TRPM3: variants seen among roughly 807,000 people sequenced by gnomAD.
TRPM3 encodes the protein long transient receptor potential channel 3.
Under a neutral mutation model 181.2 loss-of-function variants are expected in TRPM3, and 77 were observed. That is an observed-to-expected ratio of 0.42 (90% confidence interval 0.35 to 0.51). The LOEUF (loss-of-function observed/expected upper bound fraction) is 0.51. TRPM3 is among the 20% of genes least tolerant of loss of function. TRPM3 has a pLI of 0.01. For synonymous variants in TRPM3, 745 were observed against 796.4 expected, an observed-to-expected ratio of 0.94 and a Z score of 1.09; for missense variants, 1,759 against 2,196.7, an observed-to-expected ratio of 0.80 and a Z score of 3.98.
intron 1 of TRPM3, among the ~76,000 whole-genome samples, chr9:71,329,663 A>T (rs937859344): frequency 2.6e-5 from 4 of 152,232 alleles, no homozygotes; most frequent in African/African-American, 4.8e-5. Context: ...TGAATCTTAA[A>T]TATCTTGCAT....
intron 25 of TRPM3, among the ~76,000 whole-genome samples, chr9:70,543,925 C>T (rs997034029): frequency 5.3e-5 from 8 of 152,110 alleles, no homozygotes; most frequent in Non-Finnish European, 8.8e-5. Flanking sequence ...GGATGTCAGA[C>T]GATTGACGCA....
chr9:71,334,153 C>A (rs2090403957), intron 1 of TRPM3, among the ~76,000 whole-genome samples: 1 of 151,580 alleles, frequency 6.6e-6, no homozygotes, highest in Non-Finnish European at 1.5e-5. Flanking sequence ...AGCTCTGGTA[C>A]AAGTAGGCAC....
intron 1 of TRPM3, among the ~76,000 whole-genome samples, chr9:71,044,504 TCTA>T (rs921635563): frequency 1.8e-4 from 28 of 152,358 alleles, no homozygotes; most frequent in Non-Finnish European, 3.4e-4. Flanking sequence ...TCTAGTTATT[TCTA>T]CTAAGTTAAT....
At position 70,536,405 on chromosome 9, in the gene TRPM3, C is replaced by T. The variant is rs746389465; in HGVS notation, c.4708G>A (p.Ala1570Thr). 7 of 1,614,120 alleles carry T rather than the reference C, an allele frequency of 4.3e-6. No individual in the cohort carries two copies. Among genetic ancestry groups the T allele is most frequent in the Non-Finnish European group, 5.9e-6 (7 of 1,180,006 alleles). ...GCTCTGTCCGCAATTGCTTGAGGGGCATTGACACACCTTGTGTCAATACAG... is the reference window on the plus strand; with the variant it reads ...GCTCTGTCCGCAATTGCTTGAGGGGTATTGACACACCTTGTGTCAATACAG... Reference protein sequence around the residue: ...TDCIDTRCVNAPQAIADRAAF... With the variant: ...TDCIDTRCVNTPQAIADRAAF... Residue 1570 changes from alanine to threonine, a missense_variant, in exon 26 of 26, where the codon GCC becomes ACC. By Grantham distance (58) the Ala-to-Thr change is moderately conservative. Around this residue, in one of 8 missense-constraint regions of TRPM3, gnomAD observed 612 missense variants for 590.0 expected, o/e 1.04. Coordinates refer to ENST00000677713, the MANE Select transcript of TRPM3 (RefSeq NM_001366145.2).
At chr9:70,862,063 C>CACCTCT (rs879785586) in intron 3 of TRPM3, among the ~76,000 whole-genome samples, 3 of 151,986 alleles carry the variant, frequency 2.0e-5, no homozygotes, top group Non-Finnish European at 4.4e-5. Flanking sequence ...CCCTTGTGGT[C>CACCTCT]TGTAGTATGC....
chr9:70,904,341 GTCT>G (rs2096432169), intron 1 of TRPM3, among the ~76,000 whole-genome samples: 1 of 152,126 alleles, frequency 6.6e-6, no homozygotes, highest in Non-Finnish European at 1.5e-5. Context: ...AGAAAAAAAA[GTCT>G]TCTGTGAAGT....
At chr9:71,429,024 C>T (rs966061648) in intron 1 of TRPM3, among the ~76,000 whole-genome samples, 5 of 150,898 alleles carry the variant, frequency 3.3e-5, no homozygotes, top group African/African-American at 1.2e-4. Context: ...CTCATCTTTG[C>T]ACAATACTGT....
At chr9:70,960,445 T>C (rs933465199) in intron 1 of TRPM3, among the ~76,000 whole-genome samples, 1 of 152,216 alleles carries the variant, frequency 6.6e-6, no homozygotes, top group Non-Finnish European at 1.5e-5. Flanking sequence ...TTTCATCTTC[T>C]TATGATTGGA....
At chr9:70,781,582 A>G (rs1174556003) in intron 7 of TRPM3, among the ~76,000 whole-genome samples, 5 of 152,086 alleles carry the variant, frequency 3.3e-5, no homozygotes, top group Non-Finnish European at 1.5e-5. Context: ...TTACAAAACA[A>G]TATCACTGAA....
At chr9:70,801,347 T>C (rs1474689440) in intron 6 of TRPM3, among the ~76,000 whole-genome samples, 4 of 152,180 alleles carry the variant, frequency 2.6e-5, no homozygotes, top group Admixed American at 2.6e-4. Context: ...GGGATCAAGT[T>C]TCTCGCTCCG....
intron 1 of TRPM3, among the ~76,000 whole-genome samples, chr9:71,272,808 G>A (rs1410296026): frequency 6.6e-6 from 1 of 151,680 alleles, no homozygotes; most frequent in Non-Finnish European, 1.5e-5. Flanking sequence ...TTCTAGTAAG[G>A]CAAATAAGAA....
chr9:71,372,804 T>C (rs1002726493), intron 1 of TRPM3, among the ~76,000 whole-genome samples: 1 of 152,176 alleles, frequency 6.6e-6, no homozygotes, highest in Non-Finnish European at 1.5e-5. Context: ...CCCATTGGCA[T>C]GCTGTCTTCA....
At chr9:70,809,110 C>T (rs1407853557) in intron 6 of TRPM3, among the ~76,000 whole-genome samples, 1 of 151,946 alleles carries the variant, frequency 6.6e-6, no homozygotes, top group Non-Finnish European at 1.5e-5. Context: ...ATTTTAAAGA[C>T]AGAAAAAAGC....
intron 1 of TRPM3, among the ~76,000 whole-genome samples, chr9:70,874,034 T>A (rs1437439571): frequency 4.6e-5 from 7 of 151,922 alleles, no homozygotes; most frequent in Non-Finnish European, 1.0e-4. Flanking sequence ...CTTAACATAA[T>A]GTTAGGTTAG....
intron 8 of TRPM3, among the ~76,000 whole-genome samples, chr9:70,699,572 A>G (rs1180542264): frequency 6.6e-6 from 1 of 152,174 alleles, no homozygotes; most frequent in Non-Finnish European, 1.5e-5. Flanking sequence ...CTTTATATAC[A>G]TTACCTGGTT....
chr9:70,968,735 G>C (rs2993007), intron 1 of TRPM3, among the ~76,000 whole-genome samples: 117,051 of 151,992 alleles, frequency 0.77, 45,518 homozygotes, highest in African/African-American at 0.86. Flanking sequence ...CTCATTTGAT[G>C]CTTACAACAA....
At chr9:70,591,003 G>C in intron 22 of TRPM3, 28 bp downstream of exon 22, 1 of 1,613,816 alleles carries the variant, frequency 6.2e-7, no homozygotes. Flanking sequence ...ACCTGACTTT[G>C]GTGTATGAGA....
chr9:71,385,351 T>C (rs776903034), intron 1 of TRPM3, among the ~76,000 whole-genome samples: 1 of 152,212 alleles, frequency 6.6e-6, no homozygotes, highest in Non-Finnish European at 1.5e-5. Flanking sequence ...GCATGATCTA[T>C]ATGCATAAAT....
chr9:71,159,136 A>AG lies in TRPM3; in HGVS notation c.183+287516_183+287517insC, dbSNP rs57970173. On this transcript the variant is annotated intron_variant, in intron 1 of 24. Transcript: ENST00000357533. ...GAGAGAGAGAGAGAGAGAGAGAGAG[A>AG]AAGATGTCCATTCATCCATGTATCC... 4.5e-4 allele frequency among the ~76,000 whole-genome samples: 68 copies of AG among 149,714 alleles called. 1 individual carries two copies. Among genetic ancestry groups the AG allele is most frequent in the African/African-American group, 1.3e-3 (53 of 40,372 alleles).
Sources: gnomAD v4.1 joint callset for allele counts (sites outside exome capture counted in the v4.1 genomes callset) on GRCh38, gnomAD v4.1.1 for gene constraint, gnomAD v4.1.1 regional missense constraint, MANE v1.5 for transcripts, NCBI Gene and HGNC (gene_info 2026-07-23, HGNC 2026-07-21) for gene names.